The following MYO18B variants were observed in gnomAD, a reference collection of about 807,000 sequenced individuals.
MYO18B encodes myosin XVIIIB, also known as unconventional myosin-XVIIIb.
MYO18B carries 204 observed loss-of-function variants against 273.0 expected under a neutral mutation model. The ratio of observed to expected loss-of-function variants is 0.75; its 90% CI spans 0.67 to 0.84. The LOEUF (loss-of-function observed/expected upper bound fraction) is 0.84, where lower values mean the gene tolerates loss of function less well. Among genes scored for constraint, MYO18B ranks in the 40% least tolerant of loss-of-function variants. The probability of loss-of-function intolerance (pLI) is 0.00; values close to 1 mark genes in which losing one functional copy is unlikely to be tolerated. For missense variants in MYO18B, 3,212 were observed against 3,287.6 expected (o/e 0.98, Z 0.56); for synonymous variants, 1,330 against 1,305.7 (o/e 1.02, Z -0.40).
chr22:25,777,235 T>C (rs9613018), intron 7 of MYO18B, among the ~76,000 whole-genome samples: 145,123 of 152,320 alleles, frequency 0.95, 69,235 homozygotes, highest in Non-Finnish European at 0.97. Context: ...ATAATTATGC[T>C]ATCGATCCAG....
the MYO18B span, among the ~76,000 whole-genome samples, chr22:26,038,033 A>G: frequency 2.0e-5 from 3 of 152,196 alleles, no homozygotes; most frequent in African/African-American, 7.2e-5. Flanking sequence ...CCCCATCATT[A>G]TTTTATATGC....
chr22:25,926,419 G>A (rs999798798), intron 34 of MYO18B, among the ~76,000 whole-genome samples: 1 of 151,786 alleles, frequency 6.6e-6, no homozygotes, highest in Non-Finnish European at 1.5e-5. Flanking sequence ...CGAGTAGCTG[G>A]GATCACAGGC....
chr22:25,973,104 T>C (rs2093053024), intron 39 of MYO18B, among the ~76,000 whole-genome samples: 1 of 152,244 alleles, frequency 6.6e-6, no homozygotes, highest in Non-Finnish European at 1.5e-5. Flanking sequence ...GGACACTATC[T>C]ACTTCCTATT....
intron 34 of MYO18B, among the ~76,000 whole-genome samples, chr22:25,934,507 C>T (rs778595694): frequency 3.9e-5 from 6 of 152,070 alleles, no homozygotes; most frequent in Admixed American, 2.0e-4. Flanking sequence ...TTTATTTCTC[C>T]AAGGTTGAGG....
chr22:25,894,948 G>C, intron 27 of MYO18B: 4 of 554,794 alleles, frequency 7.2e-6, no homozygotes, highest in Non-Finnish European at 1.3e-5. Context: ...TAGACAGTTG[G>C]AGGTGGTCAG....
At chr22:25,750,032 A>G (rs1023040905) in intron 1 of MYO18B, among the ~76,000 whole-genome samples, 1 of 152,224 alleles carries the variant, frequency 6.6e-6, no homozygotes, top group Non-Finnish European at 1.5e-5. Flanking sequence ...GAGAACCTAC[A>G]GGCCTCAAAG....
In MYO18B at chr22:25,798,067, T is replaced by TACC. The variant is rs774725216; in HGVS notation, c.2495_2497dup (p.His832dup). On this transcript the variant is annotated inframe_insertion, in exon 12 of 44. Coordinates refer to ENST00000335473, the MANE Select transcript of MYO18B (RefSeq NM_032608.7). ...TGTTTGGCGGGTCCTGGCAGCCATCTACCACCTGGGTGCGGCGGGGGCCTG... is the reference window on the plus strand; with the variant it reads ...TGTTTGGCGGGTCCTGGCAGCCATCTACCACCACCTGGGTGCGGCGGGGGCCTG... 6.2e-7 allele frequency: 1 copy of TACC among 1,611,202 alleles called. No homozygotes were observed. The highest frequency in any genetic ancestry group is 8.5e-7 in the Non-Finnish European group (1 of 1,177,670).
chr22:25,968,549 T>C (rs1202373118), intron 39 of MYO18B, among the ~76,000 whole-genome samples: 1 of 151,922 alleles, frequency 6.6e-6, no homozygotes, highest in African/African-American at 2.4e-5. Context: ...TCCTCCTCCT[T>C]TTTGTATATT....
At chr22:25,750,810 G>C (rs1041998709) in intron 1 of MYO18B, among the ~76,000 whole-genome samples, 1 of 152,218 alleles carries the variant, frequency 6.6e-6, no homozygotes. Flanking sequence ...GCACCCTCAG[G>C]CATGGTGTCA....
chr22:25,908,431 G>T lies in MYO18B; in HGVS notation c.5258G>T (p.Arg1753Leu). Residue 1753 changes from arginine to leucine, a missense_variant and splice_region_variant, in exon 32 of 44, where the codon CGG becomes CTG. Coordinates refer to ENST00000335473, the MANE Select transcript of MYO18B (RefSeq NM_032608.7). ...LEDVRQSCQK[R>L]LHQLEMQLEQ... ...GATGTCCGTCAGTCCTGCCAGAAGC[G>T]GGTACGTGAGCAGTGAACACAGCTG... 6.3e-7 allele frequency: 1 copy of T among 1,579,742 alleles called. No individual in the cohort carries two copies. Among genetic ancestry groups the T allele is most frequent in the Non-Finnish European group, 8.6e-7 (1 of 1,162,722 alleles).
At chr22:25,932,038 A>T (rs916336720) in intron 34 of MYO18B, among the ~76,000 whole-genome samples, 2 of 152,088 alleles carry the variant, frequency 1.3e-5, no homozygotes, top group Non-Finnish European at 2.9e-5. Context: ...CGCCCAGCCT[A>T]TGCCCATTTT....
chr22:25,768,441 C>G lies in MYO18B; in HGVS notation c.525C>G (p.Ala175=), dbSNP rs575271363. Residue 175 remains alanine, a synonymous_variant, in exon 4 of 44, where the codon GCC becomes GCG. Transcript: ENST00000335473. The part of the protein sequence containing the change: ...AKPEKTHPHD[A]PPCKTSPPAT... ...CAGAGAAGACTCATCCCCATGACGCCCCCCCTTGCAAGACCTCTCCCCCCG... is the reference window on the plus strand; with the variant it reads ...CAGAGAAGACTCATCCCCATGACGCGCCCCCTTGCAAGACCTCTCCCCCCG... 1.9e-4 allele frequency: 266 copies of G among 1,366,422 alleles called. No homozygotes were observed. Among genetic ancestry groups the G allele is most frequent in the Non-Finnish European group, 2.4e-4 (227 of 954,112 alleles). 84.6% of individuals were successfully genotyped at this position (1,366,422 alleles called of 1,614,324 possible).
In MYO18B at chr22:25,785,479, C is replaced by T. The variant is rs761301483; in HGVS notation, c.2364C>T (p.Gly788=). The T allele has an allele frequency of 7.4e-6, 12 of 1,611,994 alleles. No homozygotes were observed. The highest frequency in any genetic ancestry group is 2.2e-5 in the East Asian group (1 of 44,850). ...CAGATAGCAGCTCCTTTGGCATGGG[C>T]GTGTGGTCCAAGGTAAGGAGGAGGT... is the stretch of plus-strand genomic sequence containing the variant. ...QMADSSSFGM[G]VWSKPEDKQK... Residue 788 remains glycine (G), a synonymous_variant, in exon 11 of 44, where the codon GGC becomes GGT. Coordinates refer to ENST00000335473, the MANE Select transcript of MYO18B (RefSeq NM_032608.7).
the MYO18B span, among the ~76,000 whole-genome samples, chr22:26,039,534 T>C: frequency 1.3e-5 from 2 of 152,214 alleles, no homozygotes; most frequent in African/African-American, 4.8e-5. Context: ...TCAGCCTTCC[T>C]TGACTTCCAG....
At position 25,977,612 on chromosome 22, in the gene MYO18B, G is replaced by A. The variant is rs1182739127; in HGVS notation, c.6157-14751G>A. 3.9e-5 allele frequency among the ~76,000 whole-genome samples: 6 copies of A among 152,296 alleles called. No homozygotes were observed. In the East Asian group the frequency reaches 1.2e-3, roughly 29 times the overall value. On this transcript the variant is annotated intron_variant, in intron 39 of 43. Transcript: ENST00000335473. ...AATAGTTTGGCTAGTAGAGTACAGA[G>A]CACATGCCTGAGTGGAGAGAATGAG...
intron 25 of MYO18B, among the ~76,000 whole-genome samples, chr22:25,884,048 C>G (rs573311131): frequency 3.7e-4 from 56 of 152,216 alleles, no homozygotes; most frequent in African/African-American, 1.2e-3. Context: ...TCTGGATTTT[C>G]CCCCCAAGAC....
intron 24 of MYO18B, chr22:25,877,124 A>G (rs2146201741): frequency 1.3e-5 from 2 of 152,378 alleles, no homozygotes; most frequent in East Asian, 3.9e-4. Flanking sequence ...AGGCAAAGCA[A>G]GGGACTCATT....
At chr22:26,002,664 G>A (rs1934068708) in intron 40 of MYO18B, among the ~76,000 whole-genome samples, 1 of 152,198 alleles carries the variant, frequency 6.6e-6, no homozygotes, top group Admixed American at 6.5e-5. Context: ...TTAGGAGCAT[G>A]AGCTTAACAG....
Position 25,929,133 on chromosome 22 carries a change from G to A in MYO18B, c.5517+7724G>A, listed in dbSNP as rs6004837. On this transcript the variant is annotated intron_variant, in intron 34 of 43. Coordinates refer to ENST00000335473, the MANE Select transcript of MYO18B (RefSeq NM_032608.7). ...GCCAAGATCACACCATTACACTCCA[G>A]CCTGGGCAACAAGAGCGAAACTGTC... Among the ~76,000 whole-genome samples, 928 of 138,562 alleles carry A rather than the reference G, an allele frequency of 6.7e-3. 8 individuals carry two copies. The highest frequency in any genetic ancestry group is 0.025 in the African/African-American group (890 of 36,100). The allele number at this position is 138,562 out of a possible 152,430, so 90.9% of individuals were successfully genotyped here.
Sources: gnomAD v4.1 joint callset for allele counts (sites outside exome capture counted in the v4.1 genomes callset) on GRCh38, gnomAD v4.1.1 for gene constraint, MANE v1.5 for transcripts, NCBI Gene and HGNC (gene_info 2026-07-23, HGNC 2026-07-21) for gene names.